The following PTPRD variants were observed in gnomAD, a reference collection of about 807,000 sequenced individuals.
PTPRD encodes receptor-type tyrosine-protein phosphatase delta.
Under a neutral mutation model 214.5 loss-of-function variants are expected in PTPRD, and 34 were observed. That is an observed-to-expected ratio of 0.16 (90% CI 0.12 to 0.21). The LOEUF is 0.21. PTPRD is among the 10% of genes least tolerant of loss of function. The pLI, the probability that PTPRD is intolerant of heterozygous loss-of-function variation, is 1.00. For missense variants in PTPRD, 2,545 were observed against 2,398.7 expected, an observed-to-expected ratio of 1.06 and a Z score of -1.27; for synonymous variants, 1,128 against 845.7, an observed-to-expected ratio of 1.33 and a Z score of -5.79.
chr9:9,567,690 T>A (rs1010720214), intron 8 of PTPRD, among the ~76,000 whole-genome samples: 49 of 152,004 alleles, frequency 3.2e-4, no homozygotes, highest in Non-Finnish European at 7.4e-5. Context: ...CCTTTTCTGC[T>A]TCTTAAGGGA....
At chr9:10,443,754 G>C (rs1407185802) in intron 2 of PTPRD, among the ~76,000 whole-genome samples, 1 of 150,444 alleles carries the variant, frequency 6.6e-6, no homozygotes, top group Non-Finnish European at 1.5e-5. Context: ...TTAACTACAA[G>C]CTATTTCATA....
chr9:10,370,269 G>A (rs909769545), intron 2 of PTPRD, among the ~76,000 whole-genome samples: 3 of 152,054 alleles, frequency 2.0e-5, no homozygotes, highest in Non-Finnish European at 2.9e-5. Flanking sequence ...AATGTAATCA[G>A]TGAAAGGAAG....
chr9:10,046,277 T>C (rs2097393761), intron 3 of PTPRD, among the ~76,000 whole-genome samples: 1 of 151,842 alleles, frequency 6.6e-6, no homozygotes, highest in African/African-American at 2.4e-5. Context: ...CCATACAATT[T>C]TTAAGATTTC....
At chr9:9,502,342 T>TCTTC (rs1446207919) in intron 8 of PTPRD, among the ~76,000 whole-genome samples, 3 of 151,860 alleles carry the variant, frequency 2.0e-5, no homozygotes, top group African/African-American at 7.2e-5. Context: ...TGTTTTAGAT[T>TCTTC]CTTCATATAA....
intron 3 of PTPRD, among the ~76,000 whole-genome samples, chr9:10,134,882 T>A (rs73641859): frequency 0.045 from 6,915 of 152,090 alleles, 539 homozygotes; most frequent in African/African-American, 0.16. Flanking sequence ...GCTCAACCAC[T>A]GAAATGGCTG....
intron 7 of PTPRD, among the ~76,000 whole-genome samples, chr9:9,621,822 G>A (rs1489082796): frequency 2.0e-5 from 3 of 152,230 alleles, no homozygotes; most frequent in South Asian, 2.1e-4. Flanking sequence ...ATGGAAACAC[G>A]GAGTGTGCTG....
At chr9:8,793,077 G>T (rs1341221671) in intron 11 of PTPRD, among the ~76,000 whole-genome samples, 1 of 152,172 alleles carries the variant, frequency 6.6e-6, no homozygotes, top group Middle Eastern at 3.2e-3. Flanking sequence ...CAGATGACTC[G>T]TACCTGGGTA....
Position 8,317,945 on chromosome 9 carries a change from G to A in PTPRD, c.5671-3C>T, listed in dbSNP as rs2130465440. The stretch of plus-strand genomic sequence containing the variant: ...CGATAGGAAAACTGATATTGATCCT[G>A]CAGGAGACAATGAATGGGGAGAAGC... On this transcript the variant is annotated splice_region_variant and splice_polypyrimidine_tract_variant and intron_variant, in intron 45 of 45. Transcript: ENST00000381196. 1 of 1,611,386 alleles carries A rather than the reference G, an allele frequency of 6.2e-7. No homozygotes were observed. Among genetic ancestry groups the A allele is most frequent in the East Asian group, 2.2e-5 (1 of 44,802 alleles).
chr9:9,302,059 C>T (rs866922849), intron 9 of PTPRD, among the ~76,000 whole-genome samples: 1 of 151,880 alleles, frequency 6.6e-6, no homozygotes, highest in Non-Finnish European at 1.5e-5. Flanking sequence ...AATATCATGG[C>T]TCTTTCATAT....
intron 3 of PTPRD, among the ~76,000 whole-genome samples, chr9:10,301,994 G>A (rs1596491370): frequency 6.6e-6 from 1 of 152,088 alleles, no homozygotes; most frequent in African/African-American, 2.4e-5. Flanking sequence ...TTGAAATGAA[G>A]GAAAAAATGT....
At chr9:9,945,983 A>C (rs957191215) in intron 4 of PTPRD, among the ~76,000 whole-genome samples, 3 of 152,140 alleles carry the variant, frequency 2.0e-5, no homozygotes, top group African/African-American at 7.2e-5. Flanking sequence ...TATAAAATTT[A>C]AAATGATACA....
intron 11 of PTPRD, among the ~76,000 whole-genome samples, chr9:8,884,417 C>A (rs544509721): frequency 6.6e-6 from 1 of 152,094 alleles, no homozygotes; most frequent in Non-Finnish European, 1.5e-5. Context: ...AAATGAGTAA[C>A]CCAGAAGGTA....
intron 11 of PTPRD, among the ~76,000 whole-genome samples, chr9:8,855,129 AT>A (rs5896267): frequency 0.71 from 105,374 of 148,400 alleles, 37,764 homozygotes; most frequent in African/African-American, 0.82. Flanking sequence ...GCCTACTTGA[AT>A]TTTTTTTTTT....
intron 36 of PTPRD, among the ~76,000 whole-genome samples, chr9:8,390,602 A>G (rs1500330): frequency 0.55 from 84,183 of 151,840 alleles, 23,535 homozygotes; most frequent in East Asian, 0.66. Flanking sequence ...TGCTACCCTA[A>G]TGACAAAAGA....
intron 3 of PTPRD, among the ~76,000 whole-genome samples, chr9:10,221,021 A>G (rs1274615459): frequency 6.6e-6 from 1 of 152,016 alleles, no homozygotes; most frequent in Non-Finnish European, 1.5e-5. Context: ...GAATCCCCCG[A>G]GGAAGAAAAG....
intron 11 of PTPRD, among the ~76,000 whole-genome samples, chr9:8,980,616 C>T (rs1589248965): frequency 6.6e-6 from 1 of 152,194 alleles, no homozygotes; most frequent in South Asian, 2.1e-4. Flanking sequence ...CAAGGACAAA[C>T]TGAGAGTTAC....
chr9:8,416,073 T>G (rs560619628), intron 35 of PTPRD, among the ~76,000 whole-genome samples: 1 of 109,152 alleles, frequency 9.2e-6, no homozygotes, highest in Non-Finnish European at 1.9e-5. Context: ...GCCTTAAAAG[T>G]GAAAAAAAAT....
chr9:9,584,162 T>C (rs2091446721), intron 7 of PTPRD, among the ~76,000 whole-genome samples: 1 of 151,926 alleles, frequency 6.6e-6, no homozygotes, highest in Non-Finnish European at 1.5e-5. Context: ...TAGCAAGCTA[T>C]GTAAAGCTTC....
chr9:9,403,218 G>A (rs2071587327), intron 8 of PTPRD, among the ~76,000 whole-genome samples: 1 of 135,028 alleles, frequency 7.4e-6, no homozygotes, highest in Non-Finnish European at 1.5e-5. Flanking sequence ...TTGCACTCAG[G>A]AGGCAGAGGT....
Sources: allele counts gnomAD v4.1 joint callset (sites outside exome capture counted in the v4.1 genomes callset), GRCh38; gene constraint gnomAD v4.1.1; transcripts MANE v1.5; gene names NCBI Gene and HGNC (gene_info 2026-07-23, HGNC 2026-07-21).